PTGR1: variants seen among roughly 807,000 people sequenced by gnomAD.
PTGR1 encodes the protein 15-oxoprostaglandin 13-reductase.
PTGR1 carries 23 observed loss-of-function variants against 37.7 expected under a neutral mutation model. That is an observed-to-expected ratio of 0.61 (90% CI 0.44 to 0.86). PTGR1 has a LOEUF of 0.86. PTGR1 is among the 40% of genes least tolerant of loss of function. PTGR1 has a pLI of 0.00. For synonymous variants in PTGR1, 134 were observed against 140.0 expected, an observed-to-expected ratio of 0.96 and a Z score of 0.30; for missense variants, 351 against 394.3, an observed-to-expected ratio of 0.89 and a Z score of 0.93.
At chr9:111,598,393 G>A (rs1346659551) in intron 1 of PTGR1, among the ~76,000 whole-genome samples, 3 of 152,210 alleles carry the variant, frequency 2.0e-5, no homozygotes, top group Non-Finnish European at 4.4e-5. Context: ...CCGGTGCCGC[G>A]GGAGGGGACA....
At chr9:111,566,721 C>A (rs1828577174) in intron 9 of PTGR1, among the ~76,000 whole-genome samples, 1 of 152,146 alleles carries the variant, frequency 6.6e-6, no homozygotes, top group Non-Finnish European at 1.5e-5. Flanking sequence ...GCTTCATATA[C>A]TATTCTGGGG....
At chr9:111,565,488 T>G (rs1828517610) in intron 9 of PTGR1, among the ~76,000 whole-genome samples, 1 of 152,218 alleles carries the variant, frequency 6.6e-6, no homozygotes, top group African/African-American at 2.4e-5. Flanking sequence ...CTCTCTGTAC[T>G]ATCTTCCCAA....
intron 9 of PTGR1, among the ~76,000 whole-genome samples, chr9:111,554,941 C>T (rs1162525729): frequency 6.6e-6 from 1 of 152,140 alleles, no homozygotes; most frequent in Non-Finnish European, 1.5e-5. Context: ...CCCTAAATGT[C>T]AGTGCCTGTT....
At chr9:111,575,326 C>G (rs1176286262) in intron 7 of PTGR1, 1 of 152,552 alleles carries the variant, frequency 6.6e-6, no homozygotes, top group Non-Finnish European at 1.5e-5. Context: ...AATAAATAAA[C>G]AGGCTTTTTC....
Position 111,578,958 on chromosome 9 carries a change from A to AT in PTGR1, c.496-8_496-7insA. The AT allele has an allele frequency of 7.9e-6, 12 of 1,521,000 alleles. No homozygotes were observed. The highest frequency in any genetic ancestry group is 4.5e-5 in the Admixed American group (2 of 44,320). The allele number at this position is 1,521,000 out of a possible 1,614,324, so 94.2% of individuals were successfully genotyped here. ...CTCCAACAACTTTGCAGCCCTAAGT[A>AT]GAAAAAAAAAAAAAAAGGAAACCAT... On this transcript the variant is annotated splice_polypyrimidine_tract_variant and splice_region_variant and intron_variant, in intron 6 of 9. Coordinates refer to ENST00000407693, the MANE Select transcript of PTGR1 (RefSeq NM_001146108.2).
At chr9:111,562,115 A>C (rs533293613), downstream of PTGR1, among the ~76,000 whole-genome samples, 1 of 151,974 alleles carries the variant, frequency 6.6e-6, no homozygotes, top group East Asian at 1.9e-4. Flanking sequence ...TGAACTCCTG[A>C]CCTCGCCTCC....
rs557224686 is a variant in PTGR1 at position 111,563,566 on chromosome 9, C to T, written c.880-335G>A. 1.0e-4 allele frequency: 17 copies of T among 167,698 alleles called. No homozygotes were observed. In the East Asian group the frequency reaches 1.7e-3, roughly 16 times the overall value. 10.4% of individuals were successfully genotyped at this position (167,698 alleles called of 1,614,324 possible). On this transcript the variant is annotated intron_variant, in intron 9 of 9. Coordinates refer to ENST00000407693, the MANE Select transcript of PTGR1 (RefSeq NM_001146108.2). ...TGTTGCCCAGGCTGGAGTGCAGTGC[C>T]GCGATCTTGGCTCACTGCAAGCTCC...
At chr9:111,551,261 C>T (rs116308529) in intron 9 of PTGR1, among the ~76,000 whole-genome samples, 1,862 of 152,178 alleles carry the variant, frequency 0.012, 33 homozygotes, top group African/African-American at 0.042. Context: ...ACAAAATTTT[C>T]ATTTGTAATA....
chr9:111,574,187 T>C (rs1213656150), intron 8 of PTGR1: 1 of 152,232 alleles, frequency 6.6e-6, no homozygotes, highest in Non-Finnish European at 1.5e-5. Flanking sequence ...CATCACTGTC[T>C]TTTTACAGTT....
At chr9:111,573,633 T>C (rs1477281794) in intron 8 of PTGR1, among the ~76,000 whole-genome samples, 2 of 152,178 alleles carry the variant, frequency 1.3e-5, no homozygotes, top group Non-Finnish European at 2.9e-5. Context: ...ACAGAATCAC[T>C]GTAGCAGAAA....
chr9:111,561,138 G>GA (rs1446000883), downstream of PTGR1, among the ~76,000 whole-genome samples: 1,155 of 19,720 alleles, frequency 0.059, 86 homozygotes, highest in African/African-American at 0.079. Flanking sequence ...GAGAGAGAGA[G>GA]GAGAGAGAGG....
At chr9:111,560,209 G>A (rs1471501021), downstream of PTGR1, among the ~76,000 whole-genome samples, 1 of 151,952 alleles carries the variant, frequency 6.6e-6, no homozygotes, top group Admixed American at 6.6e-5. Context: ...GGCTGGGCAT[G>A]GTGGCTCACG....
At chr9:111,585,897 A>C in intron 5 of PTGR1, 101 bp downstream of exon 5, 1 of 1,350,468 alleles carries the variant, frequency 7.4e-7, no homozygotes, top group South Asian at 1.3e-5. Context: ...TGAGCCTATC[A>C]TGCATCAAAT....
chr9:111,599,131 C>G (rs954839039), intron 1 of PTGR1, among the ~76,000 whole-genome samples: 1 of 152,128 alleles, frequency 6.6e-6, no homozygotes, highest in African/African-American at 2.4e-5. Context: ...GGCCAGGTCC[C>G]GGGAAAGTCT....
intron 4 of PTGR1, chr9:111,589,514 C>A: frequency 3.9e-6 from 1 of 254,696 alleles, no homozygotes; most frequent in Non-Finnish European, 6.2e-6. Context: ...ACCTTGGCCT[C>A]CCAAAGTGTT....
chr9:111,592,530 G>A (rs1829651144), intron 4 of PTGR1: 1 of 162,896 alleles, frequency 6.1e-6, no homozygotes. Context: ...GGAACCAGAA[G>A]GCGGTGACGC....
At chr9:111,564,285 T>G (rs1199830767) in intron 9 of PTGR1, 1 of 488,960 alleles carries the variant, frequency 2.0e-6, no homozygotes, top group Non-Finnish European at 2.7e-6. Context: ...CTTTTATTAT[T>G]ATTATTATTA....
chr9:111,554,916 T>C (rs1828077285), intron 9 of PTGR1, among the ~76,000 whole-genome samples: 1 of 152,184 alleles, frequency 6.6e-6, no homozygotes, highest in Non-Finnish European at 1.5e-5. Context: ...TGTGACCTAC[T>C]TTTTGCCTTT....
At position 111,581,021 on chromosome 9, in the gene PTGR1, T is replaced by C. The variant is rs1829266500; in HGVS notation, c.496-2070A>G. On this transcript the variant is annotated intron_variant, in intron 6 of 9. Coordinates refer to ENST00000407693, the MANE Select transcript of PTGR1 (RefSeq NM_001146108.2). Reference sequence around the variant, plus strand: ...AAGAGAAGATATTTTAAAAGATGTGTTCATACTGTTTCAAGTTTCTCAGTG... The same window carrying C: ...AAGAGAAGATATTTTAAAAGATGTGCTCATACTGTTTCAAGTTTCTCAGTG... Among the ~76,000 whole-genome samples the C allele has an allele frequency of 2.0e-5, 3 of 152,244 alleles. No homozygotes were observed. In the South Asian group the frequency reaches 6.2e-4, roughly 31 times the overall value.
Sources: allele counts gnomAD v4.1 joint callset (sites outside exome capture counted in the v4.1 genomes callset), GRCh38; gene constraint gnomAD v4.1.1; transcripts MANE v1.5; gene names NCBI Gene and HGNC (gene_info 2026-07-23, HGNC 2026-07-21).